Variants in PLCZ1 observed in about 807,000 individuals in gnomAD.
The protein encoded by PLCZ1 is phospholipase C zeta 1.
Under a neutral mutation model 76.8 loss-of-function variants are expected in PLCZ1, and 64 were observed. The ratio of observed to expected loss-of-function variants is 0.83; its 90% CI spans 0.68 to 1.03. The LOEUF is 1.03. Among genes scored for constraint, PLCZ1 ranks in the 50% least tolerant of loss-of-function variants. PLCZ1 has a pLI of 0.00. For synonymous variants in PLCZ1, 248 were observed against 230.8 expected, an observed-to-expected ratio of 1.07 and a Z score of -0.68; for missense variants, 751 against 713.7, an observed-to-expected ratio of 1.05 and a Z score of -0.60.
At chr12:18,726,978 CAT>C (rs1958786723) in intron 3 of PLCZ1, among the ~76,000 whole-genome samples, 1 of 151,980 alleles carries the variant, frequency 6.6e-6, no homozygotes, top group African/African-American at 2.4e-5. Flanking sequence ...GCAAAAGTAA[CAT>C]ATTGTCAGTG....
At chr12:18,715,546 C>G (rs1957885382) in intron 5 of PLCZ1, 1 of 152,040 alleles carries the variant, frequency 6.6e-6, no homozygotes, top group South Asian at 2.1e-4. Context: ...GAACTACAGG[C>G]GCCCACCACC....
intron 9 of PLCZ1, among the ~76,000 whole-genome samples, chr12:18,700,499 C>A: frequency 1.3e-5 from 1 of 79,316 alleles, no homozygotes; most frequent in Non-Finnish European, 2.4e-5. Flanking sequence ...ATAACCAGAT[C>A]AGAGCCAACG....
intron 14 of PLCZ1, 50 bp downstream of exon 14, chr12:18,684,080 C>T (rs1952728134): frequency 6.3e-7 from 1 of 1,591,826 alleles, no homozygotes; most frequent in Admixed American, 1.7e-5. Flanking sequence ...TTGATATACA[C>T]AAGTTATATT....
chr12:18,736,359 A>G lies in PLCZ1; in HGVS notation c.12-15T>C. 6.2e-7 allele frequency: 1 copy of G among 1,608,498 alleles called. No individual in the cohort carries two copies. Among genetic ancestry groups the G allele is most frequent in the Non-Finnish European group, 8.5e-7 (1 of 1,177,680 alleles). On this transcript the variant is annotated splice_polypyrimidine_tract_variant and intron_variant, in intron 2 of 14. Transcript: ENST00000266505. ...ACAAAAACCATGTAGAAGCACAAAA[A>G]AGTTAAGGAAATTCTCACAGAAAGT...
chr12:18,705,142 G>C, intron 7 of PLCZ1, 24 bp downstream of exon 7: 2 of 1,612,660 alleles, frequency 1.2e-6, no homozygotes, highest in Non-Finnish European at 1.7e-6. Context: ...TTCTTAACCT[G>C]AGTTTCTCAG....
At chr12:18,656,785 C>T in the PLCZ1 span, among the ~76,000 whole-genome samples, 4 of 151,980 alleles carry the variant, frequency 2.6e-5, no homozygotes, top group African/African-American at 7.3e-5. Context: ...ATTATACAGG[C>T]AGAAACGGTC....
At chr12:18,728,864 C>T (rs1450926583) in intron 3 of PLCZ1, among the ~76,000 whole-genome samples, 1 of 151,914 alleles carries the variant, frequency 6.6e-6, no homozygotes, top group Non-Finnish European at 1.5e-5. Flanking sequence ...TTAGATGAGA[C>T]TTTTTAAAAG....
the PLCZ1 span, among the ~76,000 whole-genome samples, chr12:18,668,861 G>A: frequency 1.2e-3 from 181 of 152,086 alleles, 2 homozygotes; most frequent in African/African-American, 3.5e-3. Flanking sequence ...AGCTTACACC[G>A]GACAAAAATT....
chr12:18,706,073 A>G (rs928536732), intron 6 of PLCZ1, among the ~76,000 whole-genome samples: 7 of 151,854 alleles, frequency 4.6e-5, no homozygotes, highest in African/African-American at 1.7e-4. Context: ...CTAAAAATGC[A>G]AAAAAGAAAA....
At chr12:18,674,385 G>A in the PLCZ1 span, among the ~76,000 whole-genome samples, 3 of 139,330 alleles carry the variant, frequency 2.2e-5, no homozygotes, top group African/African-American at 7.6e-5. Context: ...GCAATAGAAT[G>A]TGAGATTTAT....
chr12:18,693,229 G>A (rs1443574027), intron 12 of PLCZ1: 2 of 1,561,286 alleles, frequency 1.3e-6, no homozygotes, highest in African/African-American at 2.7e-5. Flanking sequence ...TGCTCGGTCA[G>A]GCTCAACCAC....
chr12:18,711,440 C>T (rs1020598575), intron 6 of PLCZ1, among the ~76,000 whole-genome samples: 4 of 148,514 alleles, frequency 2.7e-5, no homozygotes, highest in African/African-American at 5.0e-5. Context: ...TGCTAAATGA[C>T]GAGTTAGTGG....
the PLCZ1 span, among the ~76,000 whole-genome samples, chr12:18,673,928 T>C: frequency 9.2e-5 from 14 of 152,272 alleles, no homozygotes; most frequent in South Asian, 4.1e-4. Flanking sequence ...AAGAAAACAA[T>C]TGTCTACTAG....
chr12:18,677,998 G>T, the PLCZ1 span, among the ~76,000 whole-genome samples: 4 of 152,068 alleles, frequency 2.6e-5, no homozygotes, highest in African/African-American at 7.2e-5. Flanking sequence ...TTAGCATAAA[G>T]AATATGAGAA....
downstream of PLCZ1, among the ~76,000 whole-genome samples, chr12:18,679,359 C>A (rs532543149): frequency 2.2e-4 from 33 of 151,956 alleles, no homozygotes; most frequent in African/African-American, 8.0e-4. Flanking sequence ...TTCAAGAAAC[C>A]TTTGCTTATC....
At position 18,719,430 on chromosome 12, in the gene PLCZ1, C is replaced by A. The variant is rs745455459; in HGVS notation, c.569+1G>T. ...AATAGATTTAAAAATAAAATAAATA[C>A]CTTACATATCCCCAAAGGTCACTTG... is the stretch of plus-strand genomic sequence containing the variant. On this transcript the variant is annotated splice_donor_variant, in intron 5 of 14. Transcript: ENST00000266505. LOFTEE classifies it high-confidence loss of function. 6.9e-7 allele frequency: 1 copy of A among 1,450,780 alleles called. No individual in the cohort carries two copies. Among genetic ancestry groups the A allele is most frequent in the Non-Finnish European group, 9.2e-7 (1 of 1,083,564 alleles). The allele number at this position is 1,450,780 out of a possible 1,614,324, so 89.9% of individuals were successfully genotyped here.
Position 18,696,169 on chromosome 12 carries a change from C to T in PLCZ1, c.1272G>A (p.Trp424Ter). ...ACATACCCATTTGACAACCTATATT[C>T]CAAAATTCTTGGGGATTAAAATTAG... ...DSSNFNPQEF[W>*]NIGCQMVALN... Residue 424 changes from tryptophan (W) to a stop codon, truncating the protein, a stop_gained, in exon 11 of 15, where the codon TGG (tryptophan) becomes TGA (stop). Coordinates refer to ENST00000266505, the MANE Select transcript of PLCZ1 (RefSeq NM_033123.4). LOFTEE classifies it high-confidence loss of function. 1 of 1,561,278 alleles carries T rather than the reference C, an allele frequency of 6.4e-7. No individual in the cohort carries two copies. The highest frequency in any genetic ancestry group is 8.8e-7 in the Non-Finnish European group (1 of 1,135,722).
chr12:18,651,561 T>C, the PLCZ1 span, among the ~76,000 whole-genome samples: 1 of 152,158 alleles, frequency 6.6e-6, no homozygotes, highest in African/African-American at 2.4e-5. Context: ...CTTGCCCTGG[T>C]GTCCTCACCA....
chr12:18,720,857 G>T (rs571245599), intron 4 of PLCZ1, among the ~76,000 whole-genome samples: 1 of 152,044 alleles, frequency 6.6e-6, no homozygotes, highest in East Asian at 1.9e-4. Flanking sequence ...ATACTAAGCA[G>T]CCATTAAGAA....
Sources: gnomAD v4.1 joint callset for allele counts (sites outside exome capture counted in the v4.1 genomes callset) on GRCh38, gnomAD v4.1.1 for gene constraint, MANE v1.5 for transcripts, NCBI Gene and HGNC (gene_info 2026-07-23, HGNC 2026-07-21) for gene names.